Variants in NRXN3 observed in about 807,000 individuals in gnomAD.
The protein encoded by NRXN3 is neurexin 3, also known as neurexin III.
Under a neutral mutation model 137.6 loss-of-function variants are expected in NRXN3, and 32 were observed. The ratio of observed to expected loss-of-function variants is 0.23; its 90% CI spans 0.18 to 0.31. The LOEUF (loss-of-function observed/expected upper bound fraction) is 0.31, where lower values mean the gene tolerates loss of function less well. NRXN3 is among the 10% of genes least tolerant of loss of function. The pLI, the probability that NRXN3 is intolerant of heterozygous loss-of-function variation, is 1.00. For synonymous variants in NRXN3, 798 were observed against 784.5 expected (o/e 1.02, Z -0.29); for missense variants, 1,574 against 2,062.5 (o/e 0.76, Z 4.59).
chr14:79,234,683 A>G (rs913246731), intron 15 of NRXN3, among the ~76,000 whole-genome samples: 1 of 151,910 alleles, frequency 6.6e-6, no homozygotes, highest in African/African-American at 2.4e-5. Flanking sequence ...TAGCTTTTTA[A>G]TACTGCTCCC....
intron 15 of NRXN3, among the ~76,000 whole-genome samples, chr14:79,013,693 G>C (rs1327408786): frequency 6.6e-6 from 1 of 152,106 alleles, no homozygotes; most frequent in African/African-American, 2.4e-5. Context: ...TCAACACTTT[G>C]TTAATCACCA....
intron 4 of NRXN3, among the ~76,000 whole-genome samples, chr14:78,558,476 C>G (rs1266509608): frequency 6.6e-6 from 1 of 152,184 alleles, no homozygotes; most frequent in Admixed American, 6.5e-5. Context: ...TGTTAGTTCC[C>G]TTTCTATGAA....
At chr14:79,341,631 C>T (rs2092616332) in intron 15 of NRXN3, among the ~76,000 whole-genome samples, 2 of 152,172 alleles carry the variant, frequency 1.3e-5, no homozygotes, top group South Asian at 2.1e-4. Flanking sequence ...ACCATGTGAA[C>T]TCCAAATTCA....
intron 16 of NRXN3, among the ~76,000 whole-genome samples, chr14:79,625,397 A>G (rs1329780374): frequency 6.6e-6 from 1 of 152,182 alleles, no homozygotes; most frequent in East Asian, 1.9e-4. Flanking sequence ...TCCATATCTT[A>G]GCTATTGTAA....
At chr14:79,033,815 A>G (rs914535840) in intron 15 of NRXN3, among the ~76,000 whole-genome samples, 7 of 152,104 alleles carry the variant, frequency 4.6e-5, no homozygotes, top group Admixed American at 2.6e-4. Context: ...GAGAGACACA[A>G]TGAGGCCTTC....
At chr14:78,919,961 ATACGCT>A in intron 10 of NRXN3, among the ~76,000 whole-genome samples, 1 of 152,354 alleles carries the variant, frequency 6.6e-6, no homozygotes, top group Middle Eastern at 3.4e-3. Context: ...AAATGGCAAT[ATACGCT>A]TACAATTATT....
intron 4 of NRXN3, among the ~76,000 whole-genome samples, chr14:78,421,727 A>G (rs1405842647): frequency 6.6e-6 from 1 of 151,998 alleles, no homozygotes; most frequent in Non-Finnish European, 1.5e-5. Context: ...GTCTCACTAT[A>G]TTGCTCAGGC....
At chr14:78,927,612 T>C (rs1255367260) in intron 10 of NRXN3, among the ~76,000 whole-genome samples, 1 of 152,200 alleles carries the variant, frequency 6.6e-6, no homozygotes, top group Non-Finnish European at 1.5e-5. Context: ...GTATTTTACC[T>C]ATGCTGCTCA....
At chr14:78,986,708 G>GCAT (rs2099506553) in intron 14 of NRXN3, among the ~76,000 whole-genome samples, 2 of 151,868 alleles carry the variant, frequency 1.3e-5, no homozygotes, top group South Asian at 4.2e-4. Flanking sequence ...ATGCTCCAGC[G>GCAT]CATGCACACT....
intron 15 of NRXN3, among the ~76,000 whole-genome samples, chr14:79,146,596 G>A (rs1043379265): frequency 3.9e-5 from 6 of 152,058 alleles, no homozygotes; most frequent in East Asian, 1.9e-4. Flanking sequence ...GCTTTAGAAC[G>A]CAGGTCTTAA....
At chr14:79,388,721 G>A (rs1013304179) in intron 15 of NRXN3, among the ~76,000 whole-genome samples, 7 of 152,152 alleles carry the variant, frequency 4.6e-5, no homozygotes, top group African/African-American at 1.7e-4. Flanking sequence ...ACTCTAGAGG[G>A]AGAGGCAATT....
intron 4 of NRXN3, among the ~76,000 whole-genome samples, chr14:78,414,660 G>A (rs573216781): frequency 1.3e-5 from 2 of 152,254 alleles, no homozygotes; most frequent in African/African-American, 4.8e-5. Context: ...GGGAATCATA[G>A]GATCCATTTG....
At chr14:78,732,024 C>T (rs2152902976) in intron 8 of NRXN3, among the ~76,000 whole-genome samples, 1 of 36,468 alleles carries the variant, frequency 2.7e-5, no homozygotes, top group South Asian at 8.1e-4. Context: ...CTGCAAGTTT[C>T]AAGTTAGATT....
chr14:79,382,506 C>G (rs1477477289), intron 15 of NRXN3, among the ~76,000 whole-genome samples: 1 of 152,098 alleles, frequency 6.6e-6, no homozygotes, highest in Non-Finnish European at 1.5e-5. Flanking sequence ...CTGTGATAAG[C>G]CATCTCCTCT....
intron 15 of NRXN3, among the ~76,000 whole-genome samples, chr14:79,016,982 C>T (rs949283851): frequency 3.9e-5 from 6 of 152,204 alleles, no homozygotes; most frequent in East Asian, 1.9e-4. Flanking sequence ...AGCAGTAAAC[C>T]CTGTGATAGA....
chr14:79,780,300 T>C lies in NRXN3; in HGVS notation c.4015-24812T>C, dbSNP rs191676682. Among the ~76,000 whole-genome samples, 213 of 152,200 alleles carry C rather than the reference T, an allele frequency of 1.4e-3. 1 individual carries two copies. The highest frequency in any genetic ancestry group is 4.9e-3 in the African/African-American group (203 of 41,552). ...GTTTCAAATTTATGTCTTTATTATTTATTATAAAATCTTTTACCAGCTGGG... is the reference window on the plus strand; with the variant it reads ...GTTTCAAATTTATGTCTTTATTATTCATTATAAAATCTTTTACCAGCTGGG... On this transcript the variant is annotated intron_variant, in intron 19 of 20. Transcript: ENST00000335750.
intron 16 of NRXN3, among the ~76,000 whole-genome samples, chr14:79,585,436 C>T (rs1454575205): frequency 6.6e-6 from 1 of 151,984 alleles, no homozygotes; most frequent in Non-Finnish European, 1.5e-5. Context: ...CCTGTAAACC[C>T]AGCACTTTGG....
At chr14:78,397,854 T>G (rs1264492758) in intron 4 of NRXN3, among the ~76,000 whole-genome samples, 1 of 150,548 alleles carries the variant, frequency 6.6e-6, no homozygotes, top group African/African-American at 2.4e-5. Flanking sequence ...TCTGCCTGCC[T>G]TGGCCCCCGC....
chr14:78,258,377 T>A (rs1206457434), intron 2 of NRXN3, among the ~76,000 whole-genome samples: 2 of 150,558 alleles, frequency 1.3e-5, no homozygotes, highest in Non-Finnish European at 3.0e-5. Flanking sequence ...TCCTTGCAGA[T>A]CCTATAGGAC....
Sources: gnomAD v4.1 joint callset for allele counts (sites outside exome capture counted in the v4.1 genomes callset) on GRCh38, gnomAD v4.1.1 for gene constraint, MANE v1.5 for transcripts, NCBI Gene and HGNC (gene_info 2026-07-23, HGNC 2026-07-21) for gene names.